The following FARS2 variants were observed in gnomAD, a reference collection of about 807,000 sequenced individuals.
The protein encoded by FARS2 is phenylalanyl-tRNA synthetase 2, mitochondrial.
FARS2 carries 40 observed loss-of-function variants against 46.4 expected under a neutral mutation model. That is an observed-to-expected ratio of 0.86 (90% CI 0.67 to 1.12). FARS2 has a LOEUF of 1.12. FARS2 is among the 50% of genes most tolerant of loss of function. FARS2 has a pLI of 0.00. For synonymous variants in FARS2, 234 were observed against 214.9 expected, an observed-to-expected ratio of 1.09 and a Z score of -0.78; for missense variants, 513 against 567.9, an observed-to-expected ratio of 0.90 and a Z score of 0.98.
intron 6 of FARS2, chr6:5,695,358 C>G (rs1758037142): frequency 6.6e-6 from 1 of 152,282 alleles, no homozygotes; most frequent in Admixed American, 6.5e-5. Flanking sequence ...GGTACGCTGT[C>G]ATTCCCAGTG....
chr6:5,636,906 A>C (rs996007034), intron 6 of FARS2, among the ~76,000 whole-genome samples: 1 of 152,248 alleles, frequency 6.6e-6, no homozygotes, highest in Admixed American at 6.5e-5. Flanking sequence ...TGGTGCGGCA[A>C]AGGGACCTCA....
At chr6:5,509,574 C>CGAGAG (rs1237770167) in intron 4 of FARS2, among the ~76,000 whole-genome samples, 1 of 152,060 alleles carries the variant, frequency 6.6e-6, no homozygotes, top group Non-Finnish European at 1.5e-5. Context: ...AAGGGTAAGG[C>CGAGAG]GAGAGGTCCC....
At chr6:5,548,666 C>A (rs1324435849) in intron 5 of FARS2, among the ~76,000 whole-genome samples, 1 of 152,160 alleles carries the variant, frequency 6.6e-6, no homozygotes, top group Non-Finnish European at 1.5e-5. Context: ...CAGTTGCCAC[C>A]AGAATTAAGT....
chr6:5,576,035 C>T (rs1054852426), intron 5 of FARS2, among the ~76,000 whole-genome samples: 95 of 152,150 alleles, frequency 6.2e-4, no homozygotes, highest in African/African-American at 2.2e-3. Context: ...CCCTTTTCCC[C>T]TTTACACATT....
chr6:5,479,573 C>T (rs1399215173), intron 4 of FARS2, among the ~76,000 whole-genome samples: 1 of 152,150 alleles, frequency 6.6e-6, no homozygotes, highest in Non-Finnish European at 1.5e-5. Flanking sequence ...CTTTCTGATC[C>T]ATAACTTCTA....
At chr6:5,406,326 G>A (rs376638804) in intron 3 of FARS2, among the ~76,000 whole-genome samples, 151 of 152,286 alleles carry the variant, frequency 9.9e-4, no homozygotes, top group Middle Eastern at 6.8e-3. Flanking sequence ...AGTCTTACAA[G>A]TTTTGACGTC....
At chr6:5,569,477 G>T (rs915058120) in intron 5 of FARS2, among the ~76,000 whole-genome samples, 2 of 152,072 alleles carry the variant, frequency 1.3e-5, no homozygotes, top group South Asian at 4.1e-4. Context: ...CACCCACCTC[G>T]GCTTCCCAGA....
chr6:5,411,702 A>G (rs1761949542), intron 3 of FARS2, among the ~76,000 whole-genome samples: 1 of 152,158 alleles, frequency 6.6e-6, no homozygotes, highest in Admixed American at 6.5e-5. Flanking sequence ...TCCTGTCCAA[A>G]TGTGGTTTAT....
chr6:5,572,987 G>C (rs1013907677), intron 5 of FARS2, among the ~76,000 whole-genome samples: 6 of 152,164 alleles, frequency 3.9e-5, no homozygotes, highest in Non-Finnish European at 7.4e-5. Context: ...AATAGATCTT[G>C]AGTTCCTTAG....
intron 6 of FARS2, among the ~76,000 whole-genome samples, chr6:5,655,203 T>A (rs1777552976): frequency 1.3e-5 from 2 of 152,180 alleles, no homozygotes; most frequent in South Asian, 4.1e-4. Flanking sequence ...GAGAAAAAAT[T>A]TCTAGCCAAA....
Position 5,469,028 on chromosome 6 carries a change from C to T in FARS2, c.904+37856C>T, listed in dbSNP as rs569228115. On this transcript the variant is annotated intron_variant, in intron 4 of 6. Transcript: ENST00000274680. ...TATCTTCCTGCCAATCTCAGTTTACCGGATTCTGGTCATTTCAAGCCTGAT... is the reference window on the plus strand; with the variant it reads ...TATCTTCCTGCCAATCTCAGTTTACTGGATTCTGGTCATTTCAAGCCTGAT... Among the ~76,000 whole-genome samples, 117 of 152,256 alleles carry T rather than the reference C, an allele frequency of 7.7e-4. 1 individual carries two copies. Among genetic ancestry groups the T allele is most frequent in the African/African-American group, 2.6e-3 (108 of 41,544 alleles).
chr6:5,406,311 C>T (rs1233556324), intron 3 of FARS2, among the ~76,000 whole-genome samples: 3 of 152,120 alleles, frequency 2.0e-5, no homozygotes, highest in Admixed American at 6.5e-5. Flanking sequence ...CGAACATACT[C>T]GCACAGTCTT....
rs556723634 is a variant in FARS2 at position 5,578,670 on chromosome 6, G to A, written c.1065+33330G>A. On this transcript the variant is annotated intron_variant, in intron 5 of 6. Coordinates refer to ENST00000274680, the MANE Select transcript of FARS2 (RefSeq NM_006567.5). Reference sequence around the variant, plus strand: ...TAAAAATACAAAAAATTAGCCAGGCGTGGTGGTGGGCGCCTATAGTCCCAG... The same window carrying A: ...TAAAAATACAAAAAATTAGCCAGGCATGGTGGTGGGCGCCTATAGTCCCAG... 5.9e-5 allele frequency among the ~76,000 whole-genome samples: 9 copies of A among 151,920 alleles called. No individual in the cohort carries two copies. In the East Asian group the frequency reaches 1.5e-3, roughly 26 times the overall value.
At chr6:5,271,076 G>T (rs1765910168) in intron 1 of FARS2, among the ~76,000 whole-genome samples, 1 of 152,184 alleles carries the variant, frequency 6.6e-6, no homozygotes, top group African/African-American at 2.4e-5. Flanking sequence ...TGGCTTTATT[G>T]TCTCCTGTGT....
chr6:5,452,041 C>T (rs1764524758), intron 4 of FARS2: 1 of 152,192 alleles, frequency 6.6e-6, no homozygotes, highest in Non-Finnish European at 1.5e-5. Flanking sequence ...TAGGACCATG[C>T]TTAATTCCTA....
chr6:5,446,899 G>A (rs1441505260), intron 4 of FARS2, among the ~76,000 whole-genome samples: 2 of 152,094 alleles, frequency 1.3e-5, no homozygotes, highest in Non-Finnish European at 2.9e-5. Context: ...AGAGACACAG[G>A]GAGGGAGAGG....
At chr6:5,644,578 C>A (rs1776984596) in intron 6 of FARS2, among the ~76,000 whole-genome samples, 1 of 152,070 alleles carries the variant, frequency 6.6e-6, no homozygotes, top group Non-Finnish European at 1.5e-5. Flanking sequence ...ACTCTCATGA[C>A]CTTAAAAACA....
At chr6:5,693,069 A>G (rs1260875190) in intron 6 of FARS2, among the ~76,000 whole-genome samples, 1 of 152,222 alleles carries the variant, frequency 6.6e-6, no homozygotes, top group African/African-American at 2.4e-5. Flanking sequence ...TTGCAAAACA[A>G]ATATTAACAA....
chr6:5,713,859 G>A (rs1759330772), intron 6 of FARS2, among the ~76,000 whole-genome samples: 1 of 152,226 alleles, frequency 6.6e-6, no homozygotes, highest in South Asian at 2.1e-4. Context: ...CAGTGGAAAA[G>A]CATATTGCCG....
Sources: allele counts gnomAD v4.1 joint callset (sites outside exome capture counted in the v4.1 genomes callset), GRCh38; gene constraint gnomAD v4.1.1; transcripts MANE v1.5; gene names NCBI Gene and HGNC (gene_info 2026-07-23, HGNC 2026-07-21).